DVL1: variants seen among roughly 807,000 people sequenced by gnomAD.
DVL1 encodes dishevelled segment polarity protein 1.
A neutral mutation model predicts 65.0 loss-of-function variants in DVL1; 49 were observed. The observed-to-expected ratio is 0.75, with a 90% confidence interval of 0.60 to 0.96. The LOEUF is 0.96. Among genes scored for constraint, DVL1 ranks in the 40% least tolerant of loss-of-function variants. The pLI is 0.00. For synonymous variants in DVL1, 608 were observed against 433.9 expected (o/e 1.40, Z -4.99); for missense variants, 1,197 against 1,045.4 (o/e 1.15, Z -2.00).
Position 1,338,081 on chromosome 1 carries a change from C to A in DVL1, c.1610G>T (p.Gly537Val). ...HPAAPWPLGQ[G>V]YPYQYPGPPP... ...GGGTCCCGGGTACTGGTAGGGGTAG[C>A]CCTGACCCAGAGGCCAGGGGGCAGC... Residue 537 changes from glycine (G) to valine (V), a missense_variant, in exon 14 of 15, where the codon GGC (glycine) becomes GTC (valine). Coordinates refer to ENST00000378888, the MANE Select transcript of DVL1 (RefSeq NM_001330311.2). 1.2e-6 allele frequency: 2 copies of A among 1,610,386 alleles called. No individual in the cohort carries two copies. Among genetic ancestry groups the A allele is most frequent in the Non-Finnish European group, 1.7e-6 (2 of 1,178,986 alleles).
chr1:1,340,565 C>A lies in DVL1; in HGVS notation c.606-62G>T, dbSNP rs991228775. On this transcript the variant is annotated intron_variant, in intron 5 of 14. Coordinates refer to ENST00000378888, the MANE Select transcript of DVL1 (RefSeq NM_001330311.2). Reference sequence around the variant, plus strand: ...ACATGGGTAGGGGGGTGGGAACCCGCTCCCCCAATACTGAGTGGGAATCGG... The same window carrying A: ...ACATGGGTAGGGGGGTGGGAACCCGATCCCCCAATACTGAGTGGGAATCGG... 61 of 1,522,726 alleles carry A rather than the reference C, an allele frequency of 4.0e-5. No homozygotes were observed. In the South Asian group the frequency reaches 7.0e-4, roughly 18 times the overall value. 94.3% of individuals were successfully genotyped at this position (1,522,726 alleles called of 1,614,324 possible).
Position 1,340,512 on chromosome 1 carries a change from AGACT to A in DVL1, c.606-13_606-10del, listed in dbSNP as rs753360434. On this transcript the variant is annotated splice_polypyrimidine_tract_variant and intron_variant, in intron 5 of 14. Transcript: ENST00000378888. Reference sequence around the variant, plus strand: ...CCGTGGAGCTGCTGAGCCTGGGAACAGACTGTCAGAGCTCAGAGGAGCTGGAGAC... The same window carrying A: ...CCGTGGAGCTGCTGAGCCTGGGAACAGTCAGAGCTCAGAGGAGCTGGAGAC... 1.3e-6 allele frequency: 2 copies of A among 1,592,378 alleles called. No individual in the cohort carries two copies. Among genetic ancestry groups the A allele is most frequent in the South Asian group, 1.1e-5 (1 of 88,176 alleles).
chr1:1,339,845 G>A lies in DVL1; in HGVS notation c.910-33C>T, dbSNP rs781557407. 2.6e-6 allele frequency: 4 copies of A among 1,564,834 alleles called. No individual in the cohort carries two copies. In the East Asian group the frequency reaches 7.0e-5, roughly 27 times the overall value. On this transcript the variant is annotated intron_variant, in intron 8 of 14. Transcript: ENST00000378888. ...GGTGGGGATTAGGGTGGTGCAGGCA[G>A]GATGTGCAGCTCAGTCCACCGCCCC...
At chr1:1,346,517 C>T (rs1643916289) in intron 1 of DVL1, among the ~76,000 whole-genome samples, 1 of 152,226 alleles carries the variant, frequency 6.6e-6, no homozygotes, top group African/African-American at 2.4e-5. Flanking sequence ...CAATTCTGCC[C>T]TCCTCCCAGC....
chr1:1,336,180 T>G lies in DVL1; in HGVS notation c.2050A>C (p.Met684Leu), dbSNP rs867309666. The G allele has an allele frequency of 5.7e-6, 9 of 1,573,282 alleles. No homozygotes were observed. Among genetic ancestry groups the G allele is most frequent in the Middle Eastern group, 3.3e-4 (2 of 6,048 alleles). Residue 684 changes from methionine to leucine, a missense_variant, in exon 15 of 15, where the codon ATG (methionine) becomes CTG (leucine). Physicochemically the swap from Met to Leu is conservative, Grantham distance 15. Transcript: ENST00000378888. ...ACGAAGAACTCGCAGGGGTTCCCCA[T>G]AGCCTTCTGGAAGGACTGGCGGCTG... Reference protein sequence around the residue: ...TGSRQSFQKAMGNPCEFFVDI... With the variant: ...TGSRQSFQKALGNPCEFFVDI...
intron 4 of DVL1, 28 bp from the exon 5 acceptor site, chr1:1,341,833 C>A (rs1643843267): frequency 1.3e-6 from 2 of 1,551,938 alleles, no homozygotes; most frequent in East Asian, 2.3e-5. Context: ...TGGGAACTGA[C>A]TGCAGGGTCT....
At chr1:1,337,453 T>G (rs901447523) in intron 14 of DVL1, among the ~76,000 whole-genome samples, 5 of 152,092 alleles carry the variant, frequency 3.3e-5, no homozygotes, top group Admixed American at 2.0e-4. Context: ...CACGTCAGGC[T>G]CCCTACCCGG....
intron 13 of DVL1, 34 bp downstream of exon 13, chr1:1,338,234 TC>T (rs751395065): frequency 1.9e-4 from 83 of 445,328 alleles, no homozygotes; most frequent in Non-Finnish European, 2.2e-4. Flanking sequence ...GGCGTTCCCC[TC>T]CCCCCCGCCC....
intron 2 of DVL1, 72 bp from the exon 3 acceptor site, chr1:1,342,556 CAG>C (rs1286035190): frequency 8.2e-5 from 129 of 1,578,634 alleles, no homozygotes; most frequent in Non-Finnish European, 1.0e-4. Flanking sequence ...ACCCAGGGAA[CAG>C]GGGGCCAGCA....
chr1:1,345,920 C>G (rs929666755), intron 1 of DVL1, among the ~76,000 whole-genome samples: 1 of 152,192 alleles, frequency 6.6e-6, no homozygotes, highest in African/African-American at 2.4e-5. Flanking sequence ...GCCAGGGGCT[C>G]TCCACCAGCC....
intron 1 of DVL1, among the ~76,000 whole-genome samples, chr1:1,345,204 C>A (rs948003862): frequency 3.9e-5 from 6 of 152,212 alleles, no homozygotes; most frequent in Non-Finnish European, 7.3e-5. Flanking sequence ...CCCCTGCCCC[C>A]TCACAGATGT....
chr1:1,348,774 G>A (rs2100780506), intron 1 of DVL1, 122 bp downstream of exon 1: 1 of 839,242 alleles, frequency 1.2e-6, no homozygotes, highest in Middle Eastern at 4.8e-4. Flanking sequence ...TCTAGCGGAG[G>A]CGCGTCGCGG....
rs370899175 is a variant in DVL1 at position 1,339,818 on chromosome 1, G to C, written c.910-6C>G. ...TCAAAGTTCACGTCATTCACCTGCAGGGGTGGGGATTAGGGTGGTGCAGGC... is the reference window on the plus strand; with the variant it reads ...TCAAAGTTCACGTCATTCACCTGCACGGGTGGGGATTAGGGTGGTGCAGGC... On this transcript the variant is annotated splice_region_variant and splice_polypyrimidine_tract_variant and intron_variant, in intron 8 of 14. Coordinates refer to ENST00000378888, the MANE Select transcript of DVL1 (RefSeq NM_001330311.2). The C allele has an allele frequency of 4.4e-6, 7 of 1,606,996 alleles. No individual in the cohort carries two copies. The highest frequency in any genetic ancestry group is 4.0e-5 in the African/African-American group (3 of 74,430).
intron 5 of DVL1, among the ~76,000 whole-genome samples, chr1:1,341,033 GCACACACGCACCCCTGCA>G (rs1416062196): frequency 9.0e-5 from 12 of 132,662 alleles, no homozygotes; most frequent in Non-Finnish European, 1.7e-4. Flanking sequence ...ATGCACCCCT[GCACACACGCACCCCTGCA>G]CACACATGCA....
At position 1,342,414 on chromosome 1, in the gene DVL1, G is replaced by A. The variant is rs1167067444; in HGVS notation, c.311C>T (p.Pro104Leu). Reference sequence around the variant, plus strand: ...GATGCCGCCTGTCCGCTCAAGAGGCGGGGGCAGGTCTGTGTGGCTGTCCGT... The same window carrying A: ...GATGCCGCCTGTCCGCTCAAGAGGCAGGGGCAGGTCTGTGTGGCTGTCCGT... ...QGTDSHTDLP[P>L]PLERTGGIGD... Residue 104 changes from proline (P) to leucine (L), a missense_variant, in exon 3 of 15, where the codon CCG becomes CTG. Coordinates refer to ENST00000378888, the MANE Select transcript of DVL1 (RefSeq NM_001330311.2). 11 of 1,593,804 alleles carry A rather than the reference G, an allele frequency of 6.9e-6. 1 individual carries two copies. Among genetic ancestry groups the A allele is most frequent in the South Asian group, 3.4e-5 (3 of 88,962 alleles).
chr1:1,340,012 T>C, intron 8 of DVL1, 26 bp downstream of exon 8: 1 of 1,599,676 alleles, frequency 6.3e-7, no homozygotes, highest in East Asian at 2.2e-5. Flanking sequence ...CAGCTACATG[T>C]CACCCCGCAG....
chr1:1,336,318 C>T lies in DVL1; in HGVS notation c.1912G>A (p.Ala638Thr), dbSNP rs773602516. The change falls in exon 15 of 15, where the codon GCC (alanine) becomes ACC (threonine). Residue 638 changes from alanine to threonine, a missense_variant. Physicochemically the swap from Ala to Thr is moderately conservative, Grantham distance 58. Coordinates refer to ENST00000378888, the MANE Select transcript of DVL1 (RefSeq NM_001330311.2). ...GGGTGGGGCGGGGGGAGCCCCGGGG[C>T]GGTAGCCGAGGCCTGACTGCGTGGG... ...SSPRSQASATAPGLPPPHPTT... is the reference protein window; with the variant it reads ...SSPRSQASATTPGLPPPHPTT... 8.9e-6 allele frequency: 14 copies of T among 1,571,668 alleles called. No homozygotes were observed. The highest frequency in any genetic ancestry group is 1.7e-4 in the Middle Eastern group (1 of 5,968).
intron 11 of DVL1, among the ~76,000 whole-genome samples, chr1:1,338,945 G>A (rs1643685991): frequency 6.6e-6 from 1 of 152,220 alleles, no homozygotes; most frequent in South Asian, 2.1e-4. Flanking sequence ...AACAGGGCAG[G>A]CCCCTTCCCC....
chr1:1,338,285 G>A lies in DVL1; in HGVS notation c.1491C>T (p.Phe497=), dbSNP rs1254118433. 7.6e-6 allele frequency: 10 copies of A among 1,322,592 alleles called. No individual in the cohort carries two copies. Among genetic ancestry groups the A allele is most frequent in the Admixed American group, 2.2e-5 (1 of 45,992 alleles). 81.9% of individuals were successfully genotyped at this position (1,322,592 alleles called of 1,614,324 possible). The change falls in exon 13 of 15, where the codon TTC becomes TTT. Residue 497 remains phenylalanine, a synonymous_variant. Transcript: ENST00000378888. ...CCCACTCACTGCTGCAGAGATCCCC[G>A]AAGACGTAGTAGCACTGCTCGGAGA... ...ITFSEQCYYV[F]GDLCSNLATL...
Sources: gnomAD v4.1 joint callset for allele counts (sites outside exome capture counted in the v4.1 genomes callset) on GRCh38, gnomAD v4.1.1 for gene constraint, MANE v1.5 for transcripts, NCBI Gene and HGNC (gene_info 2026-07-23, HGNC 2026-07-21) for gene names.